The following CFHR4 variants were observed in gnomAD, a reference collection of about 807,000 sequenced individuals.
CFHR4 encodes the protein complement factor H related 4, also known as complement factor H-related protein 4.
A neutral mutation model predicts 69.3 loss-of-function variants in CFHR4; 64 were observed. That is an observed-to-expected ratio of 0.92 (90% confidence interval 0.76 to 1.14). CFHR4 has a LOEUF of 1.14. Among genes scored for constraint, CFHR4 ranks in the 50% most tolerant of loss-of-function variants. The pLI is 0.00. For missense variants in CFHR4, 636 were observed against 684.9 expected, an observed-to-expected ratio of 0.93 and a Z score of 0.80; for synonymous variants, 244 against 237.0, an observed-to-expected ratio of 1.03 and a Z score of -0.27.
At chr1:196,907,583 T>C in intron 5 of CFHR4, 85 bp downstream of exon 5, 1 of 1,130,274 alleles carries the variant, frequency 8.8e-7, no homozygotes, top group Non-Finnish European at 1.3e-6. Context: ...TTATGGGTTA[T>C]TACCCTAGAA....
rs568741566 is a variant in CFHR4 at position 196,889,998 on chromosome 1, A to G, written c.58+1790A>G. Reference sequence around the variant, plus strand: ...TCAAAGTATTAGCCTCCAGAACTGTAAGAAAATAAATTTCTATGAAATCTG... The same window carrying G: ...TCAAAGTATTAGCCTCCAGAACTGTGAGAAAATAAATTTCTATGAAATCTG... On this transcript the variant is annotated intron_variant, in intron 1 of 9. Transcript: ENST00000608469. Among the ~76,000 whole-genome samples the G allele has an allele frequency of 1.0e-3, 153 of 151,566 alleles. 3 individuals carry two copies. The highest frequency in any genetic ancestry group is 3.6e-3 in the Admixed American group (54 of 15,184).
intron 1 of CFHR4, 79 bp downstream of exon 1, chr1:196,888,287 A>T (rs539774456): frequency 1.4e-6 from 2 of 1,412,748 alleles, no homozygotes; most frequent in Admixed American, 3.4e-5. Flanking sequence ...TATGTCTATA[A>T]TTTTTTTATA....
intron 1 of CFHR4, 145 bp from the exon 2 acceptor site, chr1:196,902,273 A>ACATATC (rs1657656161): frequency 3.2e-6 from 2 of 622,522 alleles, no homozygotes; most frequent in African/African-American, 3.7e-5. Flanking sequence ...TATCTAGGTC[A>ACATATC]TTGGATTTCT....
At chr1:196,910,627 G>A in intron 6 of CFHR4, 149 bp downstream of exon 6, 1 of 598,306 alleles carries the variant, frequency 1.7e-6, no homozygotes, top group East Asian at 2.8e-5. Flanking sequence ...GATCTTTTCT[G>A]TTATGAGACC....
intron 2 of CFHR4, among the ~76,000 whole-genome samples, chr1:196,903,592 G>T (rs531104368): frequency 1.3e-5 from 2 of 151,122 alleles, no homozygotes; most frequent in African/African-American, 4.9e-5. Flanking sequence ...GGCGGAGGTT[G>T]CAGTGAGCTG....
At chr1:196,898,626 G>A (rs1657433133) in intron 1 of CFHR4, among the ~76,000 whole-genome samples, 1 of 151,592 alleles carries the variant, frequency 6.6e-6, no homozygotes, top group African/African-American at 2.4e-5. Flanking sequence ...GTTATGTATG[G>A]TTGTGAAACA....
Position 196,893,686 on chromosome 1 carries a change from A to C in CFHR4, c.58+5478A>C, listed in dbSNP as rs1171319175. On this transcript the variant is annotated intron_variant, in intron 1 of 9. Coordinates refer to ENST00000608469, the MANE Select transcript of CFHR4 (RefSeq NM_001201550.3). ...TAGAAAGAGGTTAATGAACACAAGA[A>C]AATGATAACCCACATTAGATTTATG... 3.3e-5 allele frequency among the ~76,000 whole-genome samples: 5 copies of C among 151,590 alleles called. 1 individual carries two copies. Among genetic ancestry groups the C allele is most frequent in the African/African-American group, 1.2e-4 (5 of 41,098 alleles).
chr1:196,918,098 A>G, intron 9 of CFHR4, 112 bp from the exon 10 acceptor site: 2 of 1,144,246 alleles, frequency 1.7e-6, no homozygotes, highest in Admixed American at 2.9e-5. Context: ...ACTATTAACT[A>G]TTTGGATTAT....
intron 1 of CFHR4, among the ~76,000 whole-genome samples, chr1:196,897,454 C>G (rs371133487): frequency 6.6e-6 from 1 of 151,538 alleles, no homozygotes. Flanking sequence ...TGACAGACTT[C>G]TGTATCCTGA....
chr1:196,903,516 A>G (rs370083320), intron 2 of CFHR4, among the ~76,000 whole-genome samples: 2 of 150,920 alleles, frequency 1.3e-5, no homozygotes, highest in East Asian at 3.9e-4. Context: ...AGCCGTGTGC[A>G]GTGGCACATG....
intron 9 of CFHR4, among the ~76,000 whole-genome samples, chr1:196,916,937 A>G (rs1658670507): frequency 6.6e-6 from 1 of 151,620 alleles, no homozygotes; most frequent in African/African-American, 2.4e-5. Context: ...TACATATGGC[A>G]TATTAAAGCA....
At chr1:196,899,400 C>A (rs1657477449) in intron 1 of CFHR4, among the ~76,000 whole-genome samples, 1 of 151,446 alleles carries the variant, frequency 6.6e-6, no homozygotes, top group African/African-American at 2.4e-5. Flanking sequence ...CTCAAATGAT[C>A]TTCCCACTGC....
At chr1:196,907,103 TGTACA>T in intron 4 of CFHR4, 66 bp downstream of exon 4, 1 of 1,357,694 alleles carries the variant, frequency 7.4e-7, no homozygotes, top group Non-Finnish European at 1.0e-6. Context: ...CATATGTATA[TGTACA>T]CATATGTGTA....
chr1:196,918,051 T>G lies in CFHR4; in HGVS notation c.1541-159T>G, dbSNP rs1971579. Among the ~76,000 whole-genome samples the G allele has an allele frequency of 0.4, 59,399 of 149,420 alleles. 14,584 individuals carry two copies. The highest frequency in any genetic ancestry group is 0.7 in the African/African-American group (27,734 of 39,752). ...AAGTGCAACTGAACTTATTATATTTTTGAAATGCTAAAGTCAGTATGTAGC... is the reference window on the plus strand; with the variant it reads ...AAGTGCAACTGAACTTATTATATTTGTGAAATGCTAAAGTCAGTATGTAGC... On this transcript the variant is annotated intron_variant, in intron 9 of 9. Coordinates refer to ENST00000608469, the MANE Select transcript of CFHR4 (RefSeq NM_001201550.3).
At chr1:196,914,102 A>C (rs1571450353) in intron 7 of CFHR4, among the ~76,000 whole-genome samples, 1 of 151,456 alleles carries the variant, frequency 6.6e-6, no homozygotes, top group Non-Finnish European at 1.5e-5. Flanking sequence ...CCTTACTGTT[A>C]GTAAATCGTT....
chr1:196,905,664 C>T (rs1163889074), intron 3 of CFHR4, among the ~76,000 whole-genome samples: 1 of 151,486 alleles, frequency 6.6e-6, no homozygotes, highest in Non-Finnish European at 1.5e-5. Context: ...TCCTTGCTCA[C>T]ACTCTTAAGA....
intron 3 of CFHR4, among the ~76,000 whole-genome samples, chr1:196,905,511 C>T (rs1657861919): frequency 6.6e-6 from 1 of 151,432 alleles, no homozygotes; most frequent in Non-Finnish European, 1.5e-5. Flanking sequence ...ATTCAATTTG[C>T]CTTTACGTAA....
intron 9 of CFHR4, among the ~76,000 whole-genome samples, chr1:196,917,558 T>A (rs1658717468): frequency 6.6e-6 from 1 of 151,548 alleles, no homozygotes; most frequent in African/African-American, 2.4e-5. Flanking sequence ...GGGATTCACA[T>A]TAACTCCTGT....
At chr1:196,897,058 A>G (rs1657338107) in intron 1 of CFHR4, among the ~76,000 whole-genome samples, 1 of 151,548 alleles carries the variant, frequency 6.6e-6, no homozygotes, top group African/African-American at 2.4e-5. Flanking sequence ...CGTTCTGAGA[A>G]GAAAAGGCAG....
Sources: allele counts gnomAD v4.1 joint callset (sites outside exome capture counted in the v4.1 genomes callset), GRCh38; gene constraint gnomAD v4.1.1; transcripts MANE v1.5; gene names NCBI Gene and HGNC (gene_info 2026-07-23, HGNC 2026-07-21).